PTPRT: variants seen among roughly 807,000 people sequenced by gnomAD.
PTPRT encodes the protein protein tyrosine phosphatase receptor type T.
In PTPRT, 56 loss-of-function variants were observed where a neutral mutation model predicts 176.8. The observed-to-expected ratio is 0.32, with a 90% confidence interval of 0.26 to 0.40. The LOEUF (loss-of-function observed/expected upper bound fraction) is 0.40. Ranked by LOEUF, PTPRT falls within the 10% of genes least tolerant of loss-of-function variation. The pLI, the probability that PTPRT is intolerant of heterozygous loss-of-function variation, is 1.00. For missense variants in PTPRT, 1,540 were observed against 1,908.2 expected (o/e 0.81, Z 3.60); for synonymous variants, 783 against 739.0 (o/e 1.06, Z -0.96).
At chr20:42,878,704 G>A (rs777269270) in intron 2 of PTPRT, among the ~76,000 whole-genome samples, 2 of 152,158 alleles carry the variant, frequency 1.3e-5, no homozygotes, top group Non-Finnish European at 2.9e-5. Context: ...TAGTTAGAGT[G>A]GACAAGTAGT....
chr20:42,776,652 G>C (rs1182386642), intron 4 of PTPRT, among the ~76,000 whole-genome samples: 4 of 151,610 alleles, frequency 2.6e-5, no homozygotes, highest in Non-Finnish European at 4.4e-5. Context: ...TGTTATAGCA[G>C]CTTTAGCAAA....
chr20:42,039,701 T>TATATATATATATATATATATATATATTA, the PTPRT span, among the ~76,000 whole-genome samples: 1 of 144,288 alleles, frequency 6.9e-6, no homozygotes, highest in Non-Finnish European at 1.5e-5. Context: ...TGTATATATA[T>TATATATATATATATATATATATATATTA]AGTAATGTAT....
chr20:42,167,961 A>G (rs1324837230), intron 16 of PTPRT, among the ~76,000 whole-genome samples: 1 of 152,222 alleles, frequency 6.6e-6, no homozygotes, highest in Non-Finnish European at 1.5e-5. Flanking sequence ...CAGAAGCCTT[A>G]TTGATAACAT....
chr20:42,270,523 C>T (rs1427521342), intron 13 of PTPRT: 13 of 1,401,008 alleles, frequency 9.3e-6, no homozygotes, highest in Admixed American at 2.0e-5. Flanking sequence ...CACATGAAAA[C>T]GTGCAGCACG....
chr20:42,871,854 A>G (rs1265832876), intron 2 of PTPRT, among the ~76,000 whole-genome samples: 3 of 152,134 alleles, frequency 2.0e-5, no homozygotes, highest in Non-Finnish European at 4.4e-5. Flanking sequence ...AATACCTAGA[A>G]TGGTTTCCGT....
intron 1 of PTPRT, among the ~76,000 whole-genome samples, chr20:43,038,138 C>G (rs953015481): frequency 1.3e-5 from 2 of 151,486 alleles, no homozygotes; most frequent in Non-Finnish European, 2.9e-5. Flanking sequence ...AGGAGCACTT[C>G]CTCAGACTCC....
At chr20:42,245,859 G>A (rs898295886) in intron 14 of PTPRT, among the ~76,000 whole-genome samples, 4 of 152,110 alleles carry the variant, frequency 2.6e-5, no homozygotes, top group South Asian at 2.1e-4. Context: ...AAAAAACCCC[G>A]GAAAGTAACC....
chr20:42,066,187 G>A, the PTPRT span, among the ~76,000 whole-genome samples: 5 of 150,588 alleles, frequency 3.3e-5, no homozygotes, highest in South Asian at 2.2e-4. Flanking sequence ...TTACAGGCAC[G>A]TGCCACCATG....
At chr20:42,438,759 C>A (rs1313808933) in intron 9 of PTPRT, among the ~76,000 whole-genome samples, 1 of 152,136 alleles carries the variant, frequency 6.6e-6, no homozygotes, top group Non-Finnish European at 1.5e-5. Flanking sequence ...ACTGTGAAAA[C>A]CTCACTGGCA....
chr20:42,956,266 G>A (rs1330563106), intron 1 of PTPRT, among the ~76,000 whole-genome samples: 3 of 152,114 alleles, frequency 2.0e-5, no homozygotes, highest in Non-Finnish European at 4.4e-5. Context: ...GGGACCTAGT[G>A]GGAAGCAATT....
chr20:42,069,508 T>C (rs1434376544), downstream of PTPRT, among the ~76,000 whole-genome samples: 6 of 152,192 alleles, frequency 3.9e-5, no homozygotes, highest in African/African-American at 7.2e-5. Flanking sequence ...CCTGGCATCA[T>C]CTTATCTGTT....
chr20:42,512,640 A>G (rs996762463), intron 7 of PTPRT, among the ~76,000 whole-genome samples: 1 of 152,142 alleles, frequency 6.6e-6, no homozygotes, highest in African/African-American at 2.4e-5. Context: ...AATAACCAGT[A>G]TTTGGGTTGC....
intron 1 of PTPRT, among the ~76,000 whole-genome samples, chr20:43,156,128 AC>A (rs1481029268): frequency 2.6e-5 from 4 of 152,108 alleles, no homozygotes; most frequent in Admixed American, 2.6e-4. Flanking sequence ...GCTGGGAGGA[AC>A]CTTGTTTGGG....
chr20:42,104,615 C>T lies in PTPRT; in HGVS notation c.3494G>A (p.Arg1165Lys). 1 of 1,612,338 alleles carries T rather than the reference C, an allele frequency of 6.2e-7. No homozygotes were observed. The highest frequency in any genetic ancestry group is 8.5e-7 in the Non-Finnish European group (1 of 1,178,428). ...EFRSLYYNIS[R>K]LDPQTNSSQI... is the part of the protein sequence containing the mutation. ...GCTGGAGTTTGTCTGGGGGTCCAGC[C>T]TGCTGATATTGTAGTAGAGAGAACG... is the stretch of plus-strand genomic sequence containing the variant. Residue 1165 changes from arginine (R) to lysine (K), a missense_variant, in exon 25 of 31, where the codon AGG (arginine) becomes AAG (lysine). This residue lies in a region of PTPRT where 342 missense variants were observed against 394.0 expected (regional missense o/e 0.87). Coordinates refer to ENST00000373187, the MANE Select transcript of PTPRT (RefSeq NM_007050.6).
chr20:42,502,079 T>C (rs957156369), intron 7 of PTPRT, among the ~76,000 whole-genome samples: 12 of 152,152 alleles, frequency 7.9e-5, no homozygotes, highest in Non-Finnish European at 2.9e-5. Flanking sequence ...TTTTTAAAAT[T>C]ATATTCATTT....
chr20:42,495,384 T>C (rs935756394), intron 7 of PTPRT, among the ~76,000 whole-genome samples: 4 of 152,116 alleles, frequency 2.6e-5, no homozygotes, highest in Non-Finnish European at 5.9e-5. Context: ...ATTTCCTACC[T>C]CAGTGGCTGA....
chr20:42,441,716 G>T (rs183302643), intron 9 of PTPRT, among the ~76,000 whole-genome samples: 25 of 152,318 alleles, frequency 1.6e-4, no homozygotes, highest in East Asian at 1.5e-3. Context: ...TTTGGCAAGA[G>T]AAATAATCAA....
At chr20:42,121,355 G>A (rs967989609) in intron 19 of PTPRT, among the ~76,000 whole-genome samples, 17 of 152,152 alleles carry the variant, frequency 1.1e-4, no homozygotes, top group African/African-American at 3.6e-4. Context: ...GGACTCCTAT[G>A]TACTTAGTGA....
At chr20:42,367,864 G>A (rs2867436) in intron 9 of PTPRT, among the ~76,000 whole-genome samples, 18,128 of 152,230 alleles carry the variant, frequency 0.12, 1,512 homozygotes, top group East Asian at 0.37. Flanking sequence ...GTGGCATGGG[G>A]GCTGCTACAA....
Sources: allele counts gnomAD v4.1 joint callset (sites outside exome capture counted in the v4.1 genomes callset), GRCh38; gene constraint gnomAD v4.1.1; regional missense constraint gnomAD v4.1.1; transcripts MANE v1.5; gene names NCBI Gene and HGNC (gene_info 2026-07-23, HGNC 2026-07-21).